Variants in RALGAPA1 observed in about 807,000 individuals in gnomAD.
RALGAPA1 encodes Ral GTPase activating protein catalytic subunit alpha 1.
In RALGAPA1, 52 loss-of-function variants were observed where a neutral mutation model predicts 269.6. That is an observed-to-expected ratio of 0.19 (90% CI 0.15 to 0.24). RALGAPA1 has a LOEUF of 0.24. RALGAPA1 is among the 10% of genes least tolerant of loss of function. The pLI, the probability that RALGAPA1 is intolerant of heterozygous loss-of-function variation, is 1.00. For synonymous variants in RALGAPA1, 817 were observed against 1,008.3 expected (o/e 0.81, Z 3.60); for missense variants, 1,917 against 3,013.9 (o/e 0.64, Z 8.52).
intron 1 of RALGAPA1, among the ~76,000 whole-genome samples, chr14:35,786,714 T>C (rs17103536): frequency 0.021 from 3,239 of 152,308 alleles, 122 homozygotes; most frequent in African/African-American, 0.074. Flanking sequence ...CTATTTACCT[T>C]GCTATTAAAT....
intron 37 of RALGAPA1, among the ~76,000 whole-genome samples, chr14:35,587,057 C>T (rs1421995931): frequency 2.6e-5 from 4 of 152,070 alleles, no homozygotes; most frequent in African/African-American, 9.7e-5. Flanking sequence ...CTCTTTGTAC[C>T]TCTGGTAGAA....
At chr14:35,784,512 T>C (rs2075671864) in intron 1 of RALGAPA1, among the ~76,000 whole-genome samples, 1 of 152,138 alleles carries the variant, frequency 6.6e-6, no homozygotes, top group Non-Finnish European at 1.5e-5. Context: ...TCCGTTTCTT[T>C]TCCTTTTTTG....
At chr14:35,650,268 C>A (rs902446065) in intron 31 of RALGAPA1, among the ~76,000 whole-genome samples, 2 of 151,794 alleles carry the variant, frequency 1.3e-5, no homozygotes, top group African/African-American at 2.4e-5. Context: ...ACCTGTAATC[C>A]CAGTTACTTG....
intron 33 of RALGAPA1, among the ~76,000 whole-genome samples, chr14:35,629,282 G>GGT (rs33989714): frequency 0.26 from 37,566 of 145,160 alleles, 5,003 homozygotes; most frequent in Admixed American, 0.34. Flanking sequence ...ATGTTTAGGG[G>GGT]GTGTGTGTGT....
At chr14:35,731,122 C>T (rs1466040416) in intron 12 of RALGAPA1, among the ~76,000 whole-genome samples, 1 of 152,200 alleles carries the variant, frequency 6.6e-6, no homozygotes, top group Non-Finnish European at 1.5e-5. Flanking sequence ...TGGCTAGACA[C>T]AGAAGAGAGA....
intron 7 of RALGAPA1, among the ~76,000 whole-genome samples, chr14:35,755,994 A>G (rs1276024664): frequency 6.6e-6 from 1 of 152,194 alleles, no homozygotes; most frequent in Non-Finnish European, 1.5e-5. Flanking sequence ...AGAAATTCAA[A>G]AGGTACAAAC....
intron 21 of RALGAPA1, among the ~76,000 whole-genome samples, chr14:35,679,043 G>T (rs1355855908): frequency 6.6e-6 from 1 of 152,144 alleles, no homozygotes; most frequent in Admixed American, 6.5e-5. Context: ...CAGAAATTCT[G>T]TTATATACTG....
intron 35 of RALGAPA1, among the ~76,000 whole-genome samples, chr14:35,612,179 CT>C (rs1180371240): frequency 1.3e-5 from 2 of 151,924 alleles, no homozygotes; most frequent in Non-Finnish European, 2.9e-5. Context: ...CAAGACCAGC[CT>C]AGACAACATA....
intron 8 of RALGAPA1, among the ~76,000 whole-genome samples, chr14:35,751,793 AC>A (rs1304544534): frequency 1.6e-4 from 22 of 141,134 alleles, no homozygotes; most frequent in Non-Finnish European, 3.1e-4. Flanking sequence ...CTTAAAAAAA[AC>A]AACAACAACA....
intron 7 of RALGAPA1, among the ~76,000 whole-genome samples, chr14:35,755,670 T>C (rs2073106079): frequency 6.6e-6 from 1 of 152,188 alleles, no homozygotes; most frequent in Admixed American, 6.5e-5. Context: ...CTGTGCACTA[T>C]TTAGGCCTCA....
At chr14:35,557,844 T>C (rs2139237558) in intron 39 of RALGAPA1, among the ~76,000 whole-genome samples, 1 of 152,320 alleles carries the variant, frequency 6.6e-6, no homozygotes, top group African/African-American at 2.4e-5. Flanking sequence ...AAATATCTCT[T>C]CCTTATCCTA....
rs554969245 is a variant in RALGAPA1 at position 35,762,550 on chromosome 14, C to T, written c.369+160G>A. On this transcript the variant is annotated intron_variant, in intron 5 of 41. Coordinates refer to ENST00000680220, the MANE Select transcript of RALGAPA1 (RefSeq NM_001346249.2). ...AGATTACAGGCGTGAGCCACTGCAC[C>T]CAGCCTCTTGCTACATTTTAAGGGA... is the stretch of plus-strand genomic sequence containing the variant. 7.9e-4 allele frequency among the ~76,000 whole-genome samples: 120 copies of T among 152,272 alleles called. 1 individual carries two copies. The highest frequency in any genetic ancestry group is 5.8e-4 in the East Asian group (3 of 5,178).
At chr14:35,652,739 C>T (rs2062924451) in intron 30 of RALGAPA1, among the ~76,000 whole-genome samples, 1 of 151,728 alleles carries the variant, frequency 6.6e-6, no homozygotes. Context: ...ATATTATACA[C>T]TGAATATTAT....
chr14:35,710,959 C>G (rs186847937), intron 16 of RALGAPA1, among the ~76,000 whole-genome samples: 2 of 152,198 alleles, frequency 1.3e-5, no homozygotes, highest in Non-Finnish European at 2.9e-5. Context: ...CTACGATGTT[C>G]GCACACTGAA....
At chr14:35,661,973 T>C (rs1478548000) in intron 27 of RALGAPA1, among the ~76,000 whole-genome samples, 1 of 152,046 alleles carries the variant, frequency 6.6e-6, no homozygotes, top group African/African-American at 2.4e-5. Flanking sequence ...TACCAAGAGT[T>C]TGGGGTAGGG....
chr14:35,556,753 G>A (rs565218166), intron 39 of RALGAPA1, among the ~76,000 whole-genome samples: 5 of 152,168 alleles, frequency 3.3e-5, no homozygotes, highest in Non-Finnish European at 7.4e-5. Context: ...CAGGACACCT[G>A]GTACTTCTTT....
At position 35,689,994 on chromosome 14, in the gene RALGAPA1, T is replaced by A; in HGVS notation, c.2417A>T (p.Asp806Val). 6.4e-7 allele frequency: 1 copy of A among 1,568,594 alleles called. No homozygotes were observed. The highest frequency in any genetic ancestry group is 8.6e-7 in the Non-Finnish European group (1 of 1,165,492). Reference sequence around the variant, plus strand: ...AGTTGAGCGGGGAAGTATTTGAGCATCATCAATATCTGTAAAAGAAAAAAA... The same window carrying A: ...AGTTGAGCGGGGAAGTATTTGAGCAACATCAATATCTGTAAAAGAAAAAAA... The part of the protein sequence containing the change: ...PLSDELSDID[D>V]AQILPRSTRV... Residue 806 changes from aspartate (D) to valine (V), a missense_variant, in exon 18 of 42, where the codon GAT (aspartate) becomes GTT (valine). Coordinates refer to ENST00000680220, the MANE Select transcript of RALGAPA1 (RefSeq NM_001346249.2).
intron 36 of RALGAPA1, among the ~76,000 whole-genome samples, chr14:35,602,555 C>T (rs1335165350): frequency 3.3e-5 from 5 of 152,168 alleles, no homozygotes; most frequent in Non-Finnish European, 7.3e-5. Context: ...TTGCATTTCT[C>T]TGACAGCAAA....
At chr14:35,565,583 C>T (rs1185687800) in intron 39 of RALGAPA1, among the ~76,000 whole-genome samples, 1 of 152,022 alleles carries the variant, frequency 6.6e-6, no homozygotes, top group African/African-American at 2.4e-5. Context: ...CCCCGAGTCT[C>T]CTACAGATTT....
Sources: gnomAD v4.1 joint callset for allele counts (sites outside exome capture counted in the v4.1 genomes callset) on GRCh38, gnomAD v4.1.1 for gene constraint, MANE v1.5 for transcripts, NCBI Gene and HGNC (gene_info 2026-07-23, HGNC 2026-07-21) for gene names.